RALYL: variants seen among roughly 807,000 people sequenced by gnomAD.
The protein encoded by RALYL is RNA-binding Raly-like protein.
RALYL carries 29 observed loss-of-function variants against 35.1 expected under a neutral mutation model. The ratio of observed to expected loss-of-function variants is 0.83; its 90% CI spans 0.61 to 1.13. RALYL has a LOEUF of 1.13. Ranked by LOEUF, RALYL falls within the 50% of genes most tolerant of loss-of-function variation. The pLI, the probability that RALYL is intolerant of heterozygous loss-of-function variation, is 0.00. For missense variants in RALYL, 359 were observed against 360.4 expected (o/e 1.00, Z 0.03); for synonymous variants, 120 against 127.6 (o/e 0.94, Z 0.40).
intron 2 of RALYL, among the ~76,000 whole-genome samples, chr8:84,564,930 T>C (rs141925874): frequency 1.2e-3 from 187 of 151,806 alleles, no homozygotes; most frequent in African/African-American, 4.2e-3. Flanking sequence ...AAGTATCTGC[T>C]CATGCCGCAT....
At chr8:84,701,334 C>T (rs1840153500) in intron 2 of RALYL, among the ~76,000 whole-genome samples, 1 of 152,104 alleles carries the variant, frequency 6.6e-6, no homozygotes, top group Non-Finnish European at 1.5e-5. Flanking sequence ...GCTGTCTGGT[C>T]TCTATCGGAC....
intron 1 of RALYL, among the ~76,000 whole-genome samples, chr8:84,380,790 C>A (rs1272247336): frequency 1.3e-5 from 2 of 151,840 alleles, no homozygotes; most frequent in Non-Finnish European, 2.9e-5. Context: ...TTAAATTAGT[C>A]ATCACAGGTG....
chr8:84,571,455 G>A (rs1215401523), intron 2 of RALYL, among the ~76,000 whole-genome samples: 1 of 151,656 alleles, frequency 6.6e-6, no homozygotes. Context: ...GATATGAGTT[G>A]TTAATGTCAC....
intron 1 of RALYL, among the ~76,000 whole-genome samples, chr8:84,325,474 G>A (rs1375257686): frequency 6.6e-6 from 1 of 152,136 alleles, no homozygotes; most frequent in Non-Finnish European, 1.5e-5. Context: ...CCACCCAGTG[G>A]CAATGCCAAT....
At chr8:84,378,891 A>C (rs924973131) in intron 1 of RALYL, among the ~76,000 whole-genome samples, 2 of 151,892 alleles carry the variant, frequency 1.3e-5, no homozygotes, top group Non-Finnish European at 2.9e-5. Context: ...TGCTTACCAC[A>C]TCCCAGACCA....
At chr8:84,243,030 A>T (rs1457181090) in intron 1 of RALYL, among the ~76,000 whole-genome samples, 2 of 152,168 alleles carry the variant, frequency 1.3e-5, no homozygotes, top group African/African-American at 4.8e-5. Context: ...GGTGTAAGGA[A>T]GGGGTCCGGT....
At chr8:84,439,613 T>G (rs2048120184) in intron 1 of RALYL, among the ~76,000 whole-genome samples, 4 of 152,262 alleles carry the variant, frequency 2.6e-5, no homozygotes, top group Admixed American at 2.0e-4. Context: ...TTCTGCGTCA[T>G]GGAGATTAGC....
At chr8:84,425,148 C>A (rs1220393663) in intron 1 of RALYL, among the ~76,000 whole-genome samples, 4 of 152,322 alleles carry the variant, frequency 2.6e-5, no homozygotes, top group East Asian at 3.9e-4. Flanking sequence ...CCTCCCCCAG[C>A]CTCGCTGCTA....
chr8:84,206,327 C>T (rs2131082877), intron 1 of RALYL, among the ~76,000 whole-genome samples: 1 of 152,238 alleles, frequency 6.6e-6, no homozygotes, highest in South Asian at 2.1e-4. Context: ...CTTCAGCCTT[C>T]CTCGTGGTAC....
chr8:84,699,294 T>C (rs1345420825), intron 2 of RALYL, among the ~76,000 whole-genome samples: 1 of 152,092 alleles, frequency 6.6e-6, no homozygotes, highest in Non-Finnish European at 1.5e-5. Flanking sequence ...TGAGGAAGTA[T>C]TTTTTATAAG....
chr8:84,191,128 C>T (rs62528127), intron 1 of RALYL, among the ~76,000 whole-genome samples: 2,578 of 149,972 alleles, frequency 0.017, 40 homozygotes, highest in Middle Eastern at 0.032. Context: ...GATGTGGCAG[C>T]GTCATAAAGA....
chr8:84,340,929 C>T (rs1255877689), intron 1 of RALYL, among the ~76,000 whole-genome samples: 1 of 151,984 alleles, frequency 6.6e-6, no homozygotes, highest in East Asian at 1.9e-4. Context: ...TACATTCCTA[C>T]CAATACTGTA....
intron 1 of RALYL, among the ~76,000 whole-genome samples, chr8:84,286,214 C>T (rs1837569838): frequency 6.6e-6 from 1 of 152,126 alleles, no homozygotes; most frequent in African/African-American, 2.4e-5. Flanking sequence ...AGGCATGAGC[C>T]ACTGCGCCTG....
intron 2 of RALYL, among the ~76,000 whole-genome samples, chr8:84,613,264 G>A (rs768995234): frequency 5.9e-5 from 9 of 151,580 alleles, no homozygotes; most frequent in Non-Finnish European, 1.0e-4. Context: ...AGTAAACTTA[G>A]TTGCAAATAA....
intron 2 of RALYL, among the ~76,000 whole-genome samples, chr8:84,696,346 A>G (rs901160529): frequency 1.1e-4 from 17 of 151,904 alleles, no homozygotes; most frequent in Admixed American, 2.6e-4. Flanking sequence ...AGGCAACCAT[A>G]AAAAAGAAAT....
At chr8:84,358,156 T>C (rs142295448) in intron 1 of RALYL, among the ~76,000 whole-genome samples, 1,797 of 152,164 alleles carry the variant, frequency 0.012, 34 homozygotes, top group African/African-American at 0.041. Context: ...GAATTAAATA[T>C]GATTAGGCAT....
At chr8:84,262,998 T>G (rs1832606762) in intron 1 of RALYL, among the ~76,000 whole-genome samples, 1 of 152,174 alleles carries the variant, frequency 6.6e-6, no homozygotes, top group African/African-American at 2.4e-5. Flanking sequence ...TTGAACTAAG[T>G]CTAGTGTTTC....
intron 1 of RALYL, among the ~76,000 whole-genome samples, chr8:84,306,990 G>A (rs550184879): frequency 4.6e-5 from 7 of 152,002 alleles, no homozygotes; most frequent in South Asian, 2.1e-4. Flanking sequence ...GAGTGGATGT[G>A]GGGGGAATGA....
chr8:84,641,534 C>T (rs1826326778), intron 2 of RALYL, among the ~76,000 whole-genome samples: 1 of 151,710 alleles, frequency 6.6e-6, no homozygotes, highest in African/African-American at 2.4e-5. Flanking sequence ...ACAAAAAGTA[C>T]ACTTACAAGT....
Sources: allele counts gnomAD v4.1 joint callset (sites outside exome capture counted in the v4.1 genomes callset), GRCh38; gene constraint gnomAD v4.1.1; transcripts MANE v1.5; gene names NCBI Gene and HGNC (gene_info 2026-07-23, HGNC 2026-07-21).